The following ADAM10 variants were observed in gnomAD, a reference collection of about 807,000 sequenced individuals.
ADAM10 encodes disintegrin and metalloproteinase domain-containing protein 10.
A neutral mutation model predicts 90.1 loss-of-function variants in ADAM10; 17 were observed. The ratio of observed to expected loss-of-function variants is 0.19; its 90% CI spans 0.13 to 0.28. ADAM10 has a LOEUF of 0.28. Among genes scored for constraint, ADAM10 ranks in the 10% least tolerant of loss-of-function variants. The pLI is 1.00. For synonymous variants in ADAM10, 310 were observed against 298.6 expected (o/e 1.04, Z -0.40); for missense variants, 610 against 914.3 (o/e 0.67, Z 4.29).
intron 10 of ADAM10, 120 bp from the exon 11 acceptor site, chr15:58,621,741 GAACA>G (rs1214660278): frequency 8.1e-7 from 1 of 1,235,894 alleles, no homozygotes; most frequent in African/African-American, 1.5e-5. Flanking sequence ...TGAATAAGTA[GAACA>G]AACTAGGAAT....
intron 1 of ADAM10, among the ~76,000 whole-genome samples, chr15:58,726,567 CAAAAAAA>C (rs71116593): frequency 7.2e-4 from 15 of 20,780 alleles, no homozygotes; most frequent in Admixed American, 5.6e-3. Flanking sequence ...CTCAGTCTCC[CAAAAAAA>C]AAAAAAAAAA....
intron 5 of ADAM10, among the ~76,000 whole-genome samples, chr15:58,652,346 C>A (rs1386279987): frequency 5.3e-5 from 8 of 152,080 alleles, no homozygotes; most frequent in Non-Finnish European, 7.4e-5. Context: ...GTTTCTTCAA[C>A]GTTTTCTTGC....
chr15:58,716,797 T>C (rs770810798), intron 2 of ADAM10, among the ~76,000 whole-genome samples: 3 of 152,096 alleles, frequency 2.0e-5, no homozygotes, highest in Admixed American at 6.5e-5. Flanking sequence ...CAGGGTTACA[T>C]CAGTACAAAA....
chr15:58,742,350 A>T (rs1899641778), intron 1 of ADAM10, among the ~76,000 whole-genome samples: 2 of 152,210 alleles, frequency 1.3e-5, no homozygotes, highest in Admixed American at 6.5e-5. Flanking sequence ...TAAAACTTAA[A>T]TGGGGTTACA....
intron 15 of ADAM10, among the ~76,000 whole-genome samples, chr15:58,598,844 A>G (rs1895030248): frequency 6.6e-6 from 1 of 152,206 alleles, no homozygotes; most frequent in South Asian, 2.1e-4. Flanking sequence ...CCTGAGAGGT[A>G]AAAGGTGGAG....
intron 8 of ADAM10, among the ~76,000 whole-genome samples, chr15:58,640,122 G>C (rs1896375978): frequency 6.6e-6 from 1 of 152,130 alleles, no homozygotes. Flanking sequence ...ACTGTAATGG[G>C]AAGGGTATTG....
intron 11 of ADAM10, among the ~76,000 whole-genome samples, chr15:58,614,842 A>C (rs1895556239): frequency 6.6e-6 from 1 of 152,222 alleles, no homozygotes; most frequent in South Asian, 2.1e-4. Flanking sequence ...CGCCATTACC[A>C]CAAAGCTGTA....
chr15:58,748,287 A>G (rs1443944656), intron 1 of ADAM10: 5 of 152,258 alleles, frequency 3.3e-5, no homozygotes, highest in African/African-American at 1.2e-4. Context: ...AAAGAAAAAA[A>G]CAGAAACAAT....
chr15:58,616,457 CTA>C (rs1283326192), intron 11 of ADAM10, among the ~76,000 whole-genome samples: 1 of 152,066 alleles, frequency 6.6e-6, no homozygotes, highest in Non-Finnish European at 1.5e-5. Flanking sequence ...CAGAATGAAA[CTA>C]GAGATCAATC....
chr15:58,674,130 C>G (rs1350596297), intron 4 of ADAM10, among the ~76,000 whole-genome samples: 1 of 152,100 alleles, frequency 6.6e-6, no homozygotes, highest in Non-Finnish European at 1.5e-5. Flanking sequence ...TATCTGTGGC[C>G]TTCTCAACTT....
At chr15:58,608,831 G>C (rs935918113) in intron 14 of ADAM10, among the ~76,000 whole-genome samples, 1 of 152,058 alleles carries the variant, frequency 6.6e-6, no homozygotes, top group Admixed American at 6.6e-5. Flanking sequence ...AGAGATAACA[G>C]AGAAAAGTAA....
chr15:58,673,419 T>C (rs1317116950), intron 4 of ADAM10, among the ~76,000 whole-genome samples: 3 of 151,736 alleles, frequency 2.0e-5, no homozygotes, highest in African/African-American at 4.8e-5. Flanking sequence ...CAGCTGTTTT[T>C]TTGACACTGT....
intron 4 of ADAM10, among the ~76,000 whole-genome samples, chr15:58,677,648 G>C (rs1897326887): frequency 6.6e-6 from 1 of 152,270 alleles, no homozygotes; most frequent in South Asian, 2.1e-4. Flanking sequence ...GGCACTGATA[G>C]CAAGTAGAAA....
chr15:58,738,025 T>C (rs1430329201), intron 1 of ADAM10, among the ~76,000 whole-genome samples: 1 of 152,184 alleles, frequency 6.6e-6, no homozygotes, highest in Non-Finnish European at 1.5e-5. Flanking sequence ...TTACAGATCT[T>C]CCTATTTACA....
chr15:58,640,758 A>G lies in ADAM10; in HGVS notation c.1012+19T>C, dbSNP rs202126957. ...TGTTTCAAGTAGTAAGTTAAGACAT[A>G]TTTAATATGATAAACTACCTGAAGG... On this transcript the variant is annotated intron_variant, in intron 8 of 15. Transcript: ENST00000260408. The G allele has an allele frequency of 1.9e-6, 3 of 1,611,080 alleles. No homozygotes were observed. The highest frequency in any genetic ancestry group is 1.7e-5 in the Admixed American group (1 of 60,000).
intron 1 of ADAM10, among the ~76,000 whole-genome samples, chr15:58,725,127 C>T (rs1332507108): frequency 1.3e-5 from 2 of 151,860 alleles, no homozygotes; most frequent in African/African-American, 4.8e-5. Context: ...GAAGTCAAAG[C>T]TGCAGTAAGC....
At chr15:58,685,537 T>C (rs924653551) in intron 2 of ADAM10, among the ~76,000 whole-genome samples, 9 of 127,916 alleles carry the variant, frequency 7.0e-5, no homozygotes, top group Non-Finnish European at 1.2e-4. Context: ...AACAAGAATA[T>C]GAAGGAGAAT....
intron 11 of ADAM10, among the ~76,000 whole-genome samples, chr15:58,618,000 A>T (rs1895668670): frequency 6.6e-6 from 1 of 152,176 alleles, no homozygotes; most frequent in Non-Finnish European, 1.5e-5. Flanking sequence ...TGTAATGCCT[A>T]TCCAAATACC....
chr15:58,682,424 G>A, intron 2 of ADAM10, 110 bp from the exon 3 acceptor site: 2 of 1,465,594 alleles, frequency 1.4e-6, no homozygotes, highest in African/African-American at 1.4e-5. Context: ...TATGAAATTT[G>A]TCTATTTGTG....
Sources: allele counts gnomAD v4.1 joint callset (sites outside exome capture counted in the v4.1 genomes callset), GRCh38; gene constraint gnomAD v4.1.1; transcripts MANE v1.5; gene names NCBI Gene and HGNC (gene_info 2026-07-23, HGNC 2026-07-21).